SRSF11: variants seen among roughly 807,000 people sequenced by gnomAD.
SRSF11 encodes serine and arginine rich splicing factor 11.
A neutral mutation model predicts 56.0 loss-of-function variants in SRSF11; 9 were observed. The ratio of observed to expected loss-of-function variants is 0.16; its 90% CI spans 0.10 to 0.28. SRSF11 has a LOEUF of 0.28. SRSF11 is among the 10% of genes least tolerant of loss of function. The pLI is 1.00. For synonymous variants in SRSF11, 222 were observed against 215.3 expected, an observed-to-expected ratio of 1.03 and a Z score of -0.27; for missense variants, 421 against 600.7, an observed-to-expected ratio of 0.70 and a Z score of 3.13.
At chr1:70,228,348 G>A (rs181415073) in intron 1 of SRSF11, 74 bp from the exon 2 acceptor site, 2 of 1,143,626 alleles carry the variant, frequency 1.7e-6, no homozygotes, top group East Asian at 2.4e-5. Flanking sequence ...CTTTTGAAAT[G>A]TGTTGGTTTG....
intron 6 of SRSF11, among the ~76,000 whole-genome samples, chr1:70,239,042 A>G (rs1311773360): frequency 6.6e-6 from 1 of 152,192 alleles, no homozygotes; most frequent in Non-Finnish European, 1.5e-5. Context: ...GTGAAAAATT[A>G]TTAGAATAAC....
intron 1 of SRSF11, among the ~76,000 whole-genome samples, chr1:70,207,445 A>G (rs919632940): frequency 1.3e-5 from 2 of 152,142 alleles, no homozygotes; most frequent in African/African-American, 4.8e-5. Context: ...CAGGAATTTG[A>G]ACCTAGATCT....
intron 2 of SRSF11, chr1:70,231,598 T>C (rs1672854662): frequency 1.8e-6 from 2 of 1,130,642 alleles, no homozygotes; most frequent in Non-Finnish European, 2.2e-6. Context: ...TTTACCTATC[T>C]CTCTTTCTCT....
chr1:70,252,091 T>G lies in SRSF11; in HGVS notation c.*1286T>G, dbSNP rs1287846244. 1 of 152,598 alleles carries G rather than the reference T, an allele frequency of 6.6e-6. No individual in the cohort carries two copies. Among genetic ancestry groups the G allele is most frequent in the Non-Finnish European group, 1.5e-5 (1 of 67,988 alleles). 9.5% of individuals were successfully genotyped at this position (152,598 alleles called of 1,614,324 possible). ...CATTCATTTTACAAATTCTTTCCCT[T>G]TCTGTCCACATATTTCAGTATAGTA... On this transcript the variant is annotated 3_prime_UTR_variant, in exon 12 of 12. Coordinates refer to ENST00000370949, the MANE Select transcript of SRSF11 (RefSeq NM_001350605.2).
At chr1:70,229,478 G>T in intron 2 of SRSF11, 1 of 985,072 alleles carries the variant, frequency 1.0e-6, no homozygotes, top group Non-Finnish European at 1.2e-6. Flanking sequence ...ATTTTCTAAG[G>T]CGTATTTTAT....
rs573522226 is a variant in SRSF11, at chr1:70,234,889, G to C, written c.540+101G>C. 6.2e-5 allele frequency: 58 copies of C among 940,864 alleles called. No homozygotes were observed. In the East Asian group the frequency reaches 1.5e-3, roughly 24 times the overall value. The allele number at this position is 940,864 out of a possible 1,614,324, so 58.3% of individuals were successfully genotyped here. A position where few individuals can be genotyped will look rare whatever the true frequency, so the allele number is the denominator to read the frequency against. ...AAGAGCAGAAGCTAATGGCTATGTTGTAGTAATTTTTTTTCTTGTTTAAAC... is the reference window on the plus strand; with the variant it reads ...AAGAGCAGAAGCTAATGGCTATGTTCTAGTAATTTTTTTTCTTGTTTAAAC... On this transcript the variant is annotated intron_variant, in intron 4 of 11. Coordinates refer to ENST00000370949, the MANE Select transcript of SRSF11 (RefSeq NM_001350605.2).
intron 3 of SRSF11, 117 bp downstream of exon 3, chr1:70,232,494 A>G (rs754532109): frequency 2.8e-6 from 2 of 718,318 alleles, no homozygotes; most frequent in Non-Finnish European, 4.6e-6. Flanking sequence ...GCATTATCAC[A>G]TGTCTATATC....
At chr1:70,229,889 A>G (rs1192005081) in intron 2 of SRSF11, 1 of 985,166 alleles carries the variant, frequency 1.0e-6, no homozygotes, top group Non-Finnish European at 1.2e-6. Context: ...AGGTTTTGTA[A>G]TGTATAGATA....
intron 1 of SRSF11, among the ~76,000 whole-genome samples, chr1:70,211,682 G>GT (rs1047473842): frequency 7.2e-5 from 11 of 151,846 alleles, no homozygotes; most frequent in Non-Finnish European, 1.2e-4. Flanking sequence ...CTTGAGGTTG[G>GT]TTTTTTTCCA....
chr1:70,246,026 T>A (rs547655578), intron 8 of SRSF11, among the ~76,000 whole-genome samples: 1 of 152,086 alleles, frequency 6.6e-6, no homozygotes, highest in African/African-American at 2.4e-5. Flanking sequence ...GAACCGAGGA[T>A]GACCAGAGAA....
At position 70,235,557 on chromosome 1, in the gene SRSF11, GT is replaced by G. The variant is rs769059951; in HGVS notation, c.590+13del. ...TGAGTACTGTTGATCCCAAGTAAGC[GT>G]TTTTTCTTTGTTTTCATTGGTGATG... On this transcript the variant is annotated splice_region_variant and intron_variant, in intron 5 of 11. Coordinates refer to ENST00000370949, the MANE Select transcript of SRSF11 (RefSeq NM_001350605.2). 51 of 1,608,716 alleles carry G rather than the reference GT, an allele frequency of 3.2e-5. No homozygotes were observed. The African/African-American group carries it at 4.7e-4, about 15-fold the overall frequency.
upstream of SRSF11, chr1:70,218,751 C>G (rs1281218391): frequency 1.3e-5 from 2 of 152,188 alleles, no homozygotes; most frequent in Non-Finnish European, 2.9e-5. Context: ...CTGGCAGTTA[C>G]ATATGTCTGA....
At chr1:70,215,420 C>A (rs903577490) in intron 1 of SRSF11, among the ~76,000 whole-genome samples, 1 of 152,144 alleles carries the variant, frequency 6.6e-6, no homozygotes, top group African/African-American at 2.4e-5. Context: ...ATCTGCCTTA[C>A]AAGAATTGAG....
intron 2 of SRSF11, chr1:70,230,374 G>C: frequency 9.3e-7 from 1 of 1,074,304 alleles, no homozygotes; most frequent in Non-Finnish European, 1.1e-6. Context: ...TTAGCTCTTG[G>C]TCAGTGTTTT....
upstream of SRSF11, among the ~76,000 whole-genome samples, chr1:70,220,080 GGACT>G (rs1477704858): frequency 2.0e-5 from 3 of 152,158 alleles, no homozygotes; most frequent in Non-Finnish European, 4.4e-5. Flanking sequence ...ACATTCATTG[GGACT>G]GACTGTGTGA....
intron 8 of SRSF11, 177 bp from the exon 9 acceptor site, chr1:70,246,641 T>C (rs941817282): frequency 1.3e-5 from 6 of 453,510 alleles, no homozygotes; most frequent in African/African-American, 1.0e-4. Context: ...TTAAAAGAAG[T>C]TATTGTACTT....
At chr1:70,213,268 T>C (rs551187703) in intron 1 of SRSF11, among the ~76,000 whole-genome samples, 5 of 152,180 alleles carry the variant, frequency 3.3e-5, no homozygotes, top group Non-Finnish European at 5.9e-5. Context: ...AAGAAGTATT[T>C]ATTACAGTAG....
intron 1 of SRSF11, among the ~76,000 whole-genome samples, chr1:70,212,554 G>C (rs1669655608): frequency 6.6e-6 from 1 of 152,072 alleles, no homozygotes; most frequent in Admixed American, 6.5e-5. Context: ...ATTATGCCTG[G>C]TTTTAATTTA....
At chr1:70,205,835 T>TA (rs918563916) in intron 1 of SRSF11, 2 of 276,776 alleles carry the variant, frequency 7.2e-6, no homozygotes, top group African/African-American at 2.2e-5. Flanking sequence ...TTTGCACTGT[T>TA]ACTGCGACTC....
Sources: gnomAD v4.1 joint callset for allele counts (sites outside exome capture counted in the v4.1 genomes callset) on GRCh38, gnomAD v4.1.1 for gene constraint, MANE v1.5 for transcripts, NCBI Gene and HGNC (gene_info 2026-07-23, HGNC 2026-07-21) for gene names.